FBLN7: variants seen among roughly 807,000 people sequenced by gnomAD.
The protein encoded by FBLN7 is fibulin-7.
FBLN7 carries 31 observed loss-of-function variants against 44.0 expected under a neutral mutation model. That is an observed-to-expected ratio of 0.70 (90% CI 0.53 to 0.95). FBLN7 has a LOEUF of 0.95. Ranked by LOEUF, FBLN7 falls within the 40% of genes least tolerant of loss-of-function variation. The pLI, the probability that FBLN7 is intolerant of heterozygous loss-of-function variation, is 0.00. For missense variants in FBLN7, 573 were observed against 618.5 expected (o/e 0.93, Z 0.78); for synonymous variants, 262 against 253.4 (o/e 1.03, Z -0.32).
chr2:112,157,879 C>G (rs1395096993), intron 1 of FBLN7, among the ~76,000 whole-genome samples: 1 of 150,784 alleles, frequency 6.6e-6, no homozygotes, highest in African/African-American at 2.4e-5. Flanking sequence ...CCACCGCACC[C>G]AGCCTGTCCT....
At chr2:112,186,477 T>TA (rs1683273598) in intron 7 of FBLN7, among the ~76,000 whole-genome samples, 1 of 151,960 alleles carries the variant, frequency 6.6e-6, no homozygotes, top group East Asian at 1.9e-4. Flanking sequence ...CCGTCTCTAC[T>TA]AAAAATACAA....
chr2:112,160,759 C>T (rs1199478764), intron 2 of FBLN7, among the ~76,000 whole-genome samples: 2 of 88,498 alleles, frequency 2.3e-5, no homozygotes, highest in East Asian at 2.3e-4. Flanking sequence ...CACGCACACA[C>T]GCACGCACAC....
In FBLN7 at chr2:112,187,707, C is replaced by CA; in HGVS notation, c.*201_*202insA. ...ACAAAACTCAACTGCTGCCATCACTCTTTTTTTTTTTCTGCTTTGAGGCCC... is the reference window on the plus strand; with the variant it reads ...ACAAAACTCAACTGCTGCCATCACTCATTTTTTTTTTTCTGCTTTGAGGCCC... On this transcript the variant is annotated 3_prime_UTR_variant, in exon 8 of 8. Transcript: ENST00000331203. This position sits in a 1 kb window ranked among gnomAD's most constrained non-coding sequence, Gnocchi z 5.1. 2.0e-6 allele frequency: 1 copy of CA among 491,598 alleles called. No homozygotes were observed. Among genetic ancestry groups the CA allele is most frequent in the Non-Finnish European group, 3.5e-6 (1 of 288,310 alleles). The allele number at this position is 491,598 out of a possible 1,614,324, so 30.5% of individuals were successfully genotyped here.
At position 112,146,908 on chromosome 2, in the gene FBLN7, A is replaced by G. The variant is rs79241297; in HGVS notation, c.75+8178A>G. ...TAGGAAGAAAGGATTCGTTTTTTCAACATTGAGTATGGTTCTGGCTGTAGG... is the reference window on the plus strand; with the variant it reads ...TAGGAAGAAAGGATTCGTTTTTTCAGCATTGAGTATGGTTCTGGCTGTAGG... On this transcript the variant is annotated intron_variant, in intron 1 of 7. Coordinates refer to ENST00000331203, the MANE Select transcript of FBLN7 (RefSeq NM_153214.3). 2.0e-5 allele frequency among the ~76,000 whole-genome samples: 3 copies of G among 152,146 alleles called. No individual in the cohort carries two copies. In the South Asian group the frequency reaches 6.2e-4, roughly 31 times the overall value.
At chr2:112,179,629 T>C (rs1232609351) in intron 4 of FBLN7, among the ~76,000 whole-genome samples, 1 of 152,188 alleles carries the variant, frequency 6.6e-6, no homozygotes, top group Non-Finnish European at 1.5e-5. Flanking sequence ...AGCATGGTAC[T>C]GGTACAAAAA....
intron 4 of FBLN7, among the ~76,000 whole-genome samples, chr2:112,180,017 C>T (rs532919120): frequency 1.1e-4 from 16 of 152,294 alleles, no homozygotes; most frequent in African/African-American, 3.6e-4. Context: ...AGAGCTTCTG[C>T]ATAGCAAAAG....
chr2:112,164,712 C>T (rs1299372298), intron 2 of FBLN7, among the ~76,000 whole-genome samples: 3 of 152,332 alleles, frequency 2.0e-5, no homozygotes, highest in East Asian at 1.9e-4. Context: ...AGTGATGAAG[C>T]GGATCATTGC....
At chr2:112,164,763 T>G (rs1682054231) in intron 2 of FBLN7, among the ~76,000 whole-genome samples, 1 of 152,174 alleles carries the variant, frequency 6.6e-6, no homozygotes. Flanking sequence ...CACACAGCAC[T>G]TAGTGTCTCT....
At chr2:112,147,917 G>A (rs532347815) in intron 1 of FBLN7, among the ~76,000 whole-genome samples, 28 of 152,126 alleles carry the variant, frequency 1.8e-4, no homozygotes, top group Admixed American at 5.9e-4. Flanking sequence ...CAAAAAGAGT[G>A]GTGGCTGAAT....
intron 7 of FBLN7, among the ~76,000 whole-genome samples, chr2:112,186,393 A>G (rs1683268749): frequency 6.6e-6 from 1 of 152,112 alleles, no homozygotes; most frequent in Non-Finnish European, 1.5e-5. Context: ...TAATTCGAGC[A>G]CTCTGGGAGG....
chr2:112,144,796 A>G (rs1680829336), intron 1 of FBLN7, among the ~76,000 whole-genome samples: 1 of 152,156 alleles, frequency 6.6e-6, no homozygotes, highest in Admixed American at 6.5e-5. Flanking sequence ...AAGTGTTGGG[A>G]TTACAGGCGT....
chr2:112,170,533 G>GAAAAA (rs199582472), intron 3 of FBLN7, among the ~76,000 whole-genome samples: 8 of 76,816 alleles, frequency 1.0e-4, no homozygotes, highest in Admixed American at 1.4e-4. Flanking sequence ...TCTCGAAAGT[G>GAAAAA]AAAAAAAAAA....
intron 2 of FBLN7, 28 bp from the exon 3 acceptor site, chr2:112,164,973 C>T: frequency 1.2e-6 from 2 of 1,608,830 alleles, no homozygotes; most frequent in South Asian, 1.1e-5. Context: ...GGATGAGGAG[C>T]TCGTAATCCT....
the FBLN7 span, among the ~76,000 whole-genome samples, chr2:112,237,935 G>T: frequency 3.3e-5 from 5 of 152,130 alleles, no homozygotes; most frequent in African/African-American, 9.7e-5. Flanking sequence ...TAATCTAGAA[G>T]AATATATTTC....
At chr2:112,230,903 CT>C in the FBLN7 span, 3 of 1,287,496 alleles carry the variant, frequency 2.3e-6, no homozygotes, top group Non-Finnish European at 3.0e-6. Flanking sequence ...CTAATTTTAC[CT>C]TTTTATGTCT....
chr2:112,167,867 C>CATGTTATGTTATGTT, intron 3 of FBLN7, among the ~76,000 whole-genome samples: 1 of 9,156 alleles, frequency 1.1e-4, no homozygotes, highest in Non-Finnish European at 2.7e-4. Context: ...CCAGGAAAGA[C>CATGTTATGTTATGTT]ACGTTATGTT....
chr2:112,155,884 A>G (rs1319095140), intron 1 of FBLN7, among the ~76,000 whole-genome samples: 1 of 152,170 alleles, frequency 6.6e-6, no homozygotes, highest in Non-Finnish European at 1.5e-5. Flanking sequence ...GCCCCAGGCC[A>G]TCACCCCAGG....
chr2:112,142,007 G>A (rs1680671568), intron 1 of FBLN7, among the ~76,000 whole-genome samples: 1 of 152,204 alleles, frequency 6.6e-6, no homozygotes, highest in South Asian at 2.1e-4. Context: ...TGTCTTAGGT[G>A]CTTTGTGAGG....
chr2:112,232,220 G>A, the FBLN7 span, among the ~76,000 whole-genome samples: 1 of 150,444 alleles, frequency 6.6e-6, no homozygotes, highest in East Asian at 2.0e-4. Context: ...GGAGGCTGAG[G>A]CACCAAAATC....
Sources: gnomAD v4.1 joint callset for allele counts (sites outside exome capture counted in the v4.1 genomes callset) on GRCh38, gnomAD v4.1.1 for gene constraint, Gnocchi (gnomAD v3.1) non-coding constraint, MANE v1.5 for transcripts, NCBI Gene and HGNC (gene_info 2026-07-23, HGNC 2026-07-21) for gene names.